The following SLC24A2 variants were observed in gnomAD, a reference collection of about 807,000 sequenced individuals.
SLC24A2 encodes the protein solute carrier family 24 member 2, also known as sodium/potassium/calcium exchanger 2.
Under a neutral mutation model 62.0 loss-of-function variants are expected in SLC24A2, and 36 were observed. The ratio of observed to expected loss-of-function variants is 0.58; its 90% CI spans 0.44 to 0.77. The LOEUF (loss-of-function observed/expected upper bound fraction) is 0.77, where lower values mean the gene tolerates loss of function less well. SLC24A2 is among the 30% of genes least tolerant of loss of function. The pLI, the probability that SLC24A2 is intolerant of heterozygous loss-of-function variation, is 0.00. For missense variants in SLC24A2, 846 were observed against 817.9 expected (o/e 1.03, Z -0.42); for synonymous variants, 358 against 294.0 (o/e 1.22, Z -2.23).
chr9:19,838,601 T>C, the SLC24A2 span, among the ~76,000 whole-genome samples: 2 of 150,092 alleles, frequency 1.3e-5, no homozygotes, highest in South Asian at 2.1e-4. Context: ...ACGGTGCCAC[T>C]GCACTCCAGC....
the SLC24A2 span, among the ~76,000 whole-genome samples, chr9:20,299,203 A>G: frequency 2.0e-5 from 3 of 152,220 alleles, no homozygotes; most frequent in Non-Finnish European, 4.4e-5. Flanking sequence ...CCTTTCGTGC[A>G]CACAGCCCTG....
intron 2 of SLC24A2, among the ~76,000 whole-genome samples, chr9:19,688,396 G>C (rs923694768): frequency 1.1e-4 from 16 of 152,114 alleles, no homozygotes; most frequent in Admixed American, 1.0e-3. Flanking sequence ...CCGATAGAAA[G>C]CTGGGTATCA....
At chr9:19,768,485 T>C (rs956049547) in intron 2 of SLC24A2, among the ~76,000 whole-genome samples, 1 of 152,164 alleles carries the variant, frequency 6.6e-6, no homozygotes, top group Non-Finnish European at 1.5e-5. Flanking sequence ...CCCCACTGGA[T>C]ACATGAAACC....
chr9:20,160,208 T>C, the SLC24A2 span, among the ~76,000 whole-genome samples: 2 of 151,448 alleles, frequency 1.3e-5, no homozygotes, highest in African/African-American at 2.4e-5. Flanking sequence ...AAATACTTTA[T>C]AGTGCTAAAA....
chr9:20,137,371 C>T, the SLC24A2 span, among the ~76,000 whole-genome samples: 1 of 152,176 alleles, frequency 6.6e-6, no homozygotes, highest in Non-Finnish European at 1.5e-5. Flanking sequence ...AAGGAATATA[C>T]TCTGGCAGAG....
At chr9:19,743,703 T>C (rs1020937035) in intron 2 of SLC24A2, among the ~76,000 whole-genome samples, 8 of 152,286 alleles carry the variant, frequency 5.3e-5, no homozygotes, top group Admixed American at 4.6e-4. Context: ...CTTTAAAATA[T>C]CTACCAATAA....
chr9:19,758,547 C>G (rs960782945), intron 2 of SLC24A2, among the ~76,000 whole-genome samples: 2 of 151,934 alleles, frequency 1.3e-5, no homozygotes, highest in Non-Finnish European at 2.9e-5. Context: ...CAAAAAAAAC[C>G]CCCTAAGAAT....
At chr9:19,760,132 T>C (rs1822274432) in intron 2 of SLC24A2, among the ~76,000 whole-genome samples, 1 of 152,108 alleles carries the variant, frequency 6.6e-6, no homozygotes, top group Non-Finnish European at 1.5e-5. Context: ...AGACAGCTTC[T>C]CCAAGTCCCA....
the SLC24A2 span, among the ~76,000 whole-genome samples, chr9:19,810,456 G>A: frequency 2.0e-3 from 301 of 152,320 alleles, 4 homozygotes; most frequent in East Asian, 9.6e-4. Flanking sequence ...CAAACAGTTC[G>A]AGACAAAATA....
the SLC24A2 span, among the ~76,000 whole-genome samples, chr9:20,070,139 T>A: frequency 2.0e-5 from 3 of 152,186 alleles, no homozygotes; most frequent in African/African-American, 7.2e-5. Flanking sequence ...CATCAAACAA[T>A]TGAAACAACT....
the SLC24A2 span, among the ~76,000 whole-genome samples, chr9:20,191,886 C>T: frequency 1.3e-5 from 2 of 152,094 alleles, no homozygotes. Flanking sequence ...GGAGGGTACA[C>T]ACATGTTTAT....
chr9:19,604,565 T>C (rs1051944170), intron 4 of SLC24A2, among the ~76,000 whole-genome samples: 3 of 152,070 alleles, frequency 2.0e-5, no homozygotes, highest in Non-Finnish European at 4.4e-5. Flanking sequence ...GTTTCTACCC[T>C]CTGGTGCATG....
chr9:19,845,534 A>T, the SLC24A2 span, among the ~76,000 whole-genome samples: 2 of 152,106 alleles, frequency 1.3e-5, no homozygotes, highest in African/African-American at 2.4e-5. Flanking sequence ...TTATGCTTTC[A>T]AAGAGCCAAC....
At chr9:20,217,179 C>G in the SLC24A2 span, among the ~76,000 whole-genome samples, 1 of 152,150 alleles carries the variant, frequency 6.6e-6, no homozygotes, top group Non-Finnish European at 1.5e-5. Context: ...ATGTCATACT[C>G]ATAAATATAA....
At chr9:19,693,105 T>TATG (rs1289197531) in intron 2 of SLC24A2, among the ~76,000 whole-genome samples, 1 of 152,132 alleles carries the variant, frequency 6.6e-6, no homozygotes, top group East Asian at 1.9e-4. Flanking sequence ...TATTTATTTT[T>TATG]ATTATTATTA....
the SLC24A2 span, among the ~76,000 whole-genome samples, chr9:19,814,705 A>G: frequency 6.6e-6 from 1 of 152,162 alleles, no homozygotes; most frequent in Non-Finnish European, 1.5e-5. Flanking sequence ...TTCTTGACCT[A>G]CTAGAACTTG....
intron 2 of SLC24A2, among the ~76,000 whole-genome samples, chr9:19,649,798 T>A (rs1201490719): frequency 5.9e-5 from 9 of 152,238 alleles, no homozygotes. Flanking sequence ...TAGCACAGTT[T>A]GCCAGGTGGT....
chr9:20,230,924 A>G, the SLC24A2 span, among the ~76,000 whole-genome samples: 1 of 152,230 alleles, frequency 6.6e-6, no homozygotes, highest in African/African-American at 2.4e-5. Context: ...CGTGTAAGGA[A>G]GTGATCCAGT....
At position 19,514,827 on chromosome 9, in the gene SLC24A2, T is replaced by G. The variant is rs1832862398; in HGVS notation, c.*1326A>C. The G allele has an allele frequency of 6.6e-6, 1 of 152,176 alleles. No individual in the cohort carries two copies. The highest frequency in any genetic ancestry group is 1.5e-5 in the Non-Finnish European group (1 of 68,048). The allele number at this position is 152,176 out of a possible 1,614,324, so 9.4% of individuals were successfully genotyped here. ...CTGGCACTCAGAAACCTTCCTGGGG[T>G]GCACTGAGTGTGCAAATGCCTTTCC... On this transcript the variant is annotated 3_prime_UTR_variant, in exon 11 of 11. Coordinates refer to ENST00000341998, the MANE Select transcript of SLC24A2 (RefSeq NM_020344.4).
Sources: allele counts gnomAD v4.1 joint callset (sites outside exome capture counted in the v4.1 genomes callset), GRCh38; gene constraint gnomAD v4.1.1; transcripts MANE v1.5; gene names NCBI Gene and HGNC (gene_info 2026-07-23, HGNC 2026-07-21).